Variants in RAPGEF5 observed in about 807,000 individuals in gnomAD.
RAPGEF5 encodes Rap guanine nucleotide exchange factor 5.
A neutral mutation model predicts 125.2 loss-of-function variants in RAPGEF5; 65 were observed. The ratio of observed to expected loss-of-function variants is 0.52; its 90% CI spans 0.43 to 0.64. The LOEUF (loss-of-function observed/expected upper bound fraction) is 0.64, where lower values mean the gene tolerates loss of function less well. Ranked by LOEUF, RAPGEF5 falls within the 30% of genes least tolerant of loss-of-function variation. The pLI is 0.00. For missense variants in RAPGEF5, 958 were observed against 1,048.1 expected, an observed-to-expected ratio of 0.91 and a Z score of 1.19; for synonymous variants, 391 against 385.9, an observed-to-expected ratio of 1.01 and a Z score of -0.16.
chr7:22,122,735 T>C (rs973902870), intron 25 of RAPGEF5, among the ~76,000 whole-genome samples: 34 of 152,218 alleles, frequency 2.2e-4, no homozygotes, highest in East Asian at 1.9e-4. Flanking sequence ...AGGATACTTA[T>C]AGCATTTATT....
At chr7:22,243,353 T>A (rs1193328004) in intron 7 of RAPGEF5, among the ~76,000 whole-genome samples, 1 of 152,194 alleles carries the variant, frequency 6.6e-6, no homozygotes, top group Non-Finnish European at 1.5e-5. Context: ...GTCTCCCGGA[T>A]TCAAGTGATT....
At chr7:22,305,998 A>G (rs1783329666) in intron 5 of RAPGEF5, among the ~76,000 whole-genome samples, 1 of 152,224 alleles carries the variant, frequency 6.6e-6, no homozygotes, top group Non-Finnish European at 1.5e-5. Flanking sequence ...TGTTGTGGAC[A>G]GTGATGCAAA....
At chr7:22,183,266 C>CA (rs1784728910) in intron 11 of RAPGEF5, among the ~76,000 whole-genome samples, 3 of 16,684 alleles carry the variant, frequency 1.8e-4, no homozygotes, top group South Asian at 2.2e-3. Context: ...GAGACTCCAT[C>CA]ACAAAAAAAA....
intron 14 of RAPGEF5, among the ~76,000 whole-genome samples, chr7:22,159,535 T>C (rs977758852): frequency 1.3e-5 from 2 of 152,218 alleles, no homozygotes; most frequent in African/African-American, 2.4e-5. Context: ...GTTTACGAAA[T>C]AGAAACTGCA....
chr7:22,262,033 A>C (rs2128140648), intron 7 of RAPGEF5, among the ~76,000 whole-genome samples: 1 of 152,314 alleles, frequency 6.6e-6, no homozygotes, highest in African/African-American at 2.4e-5. Context: ...AAGCATTAAA[A>C]GACTCATTAA....
chr7:22,316,194 A>C (rs1486716636), intron 2 of RAPGEF5, among the ~76,000 whole-genome samples: 1 of 152,020 alleles, frequency 6.6e-6, no homozygotes, highest in Non-Finnish European at 1.5e-5. Context: ...CTCTATAACC[A>C]GCACCTTCCC....
intron 21 of RAPGEF5, among the ~76,000 whole-genome samples, chr7:22,139,050 T>C (rs1783169671): frequency 6.6e-6 from 1 of 152,186 alleles, no homozygotes; most frequent in South Asian, 2.1e-4. Flanking sequence ...GCACAGTGCA[T>C]TCCTTCAGGG....
At chr7:22,232,724 C>A (rs1448467277) in intron 7 of RAPGEF5, among the ~76,000 whole-genome samples, 2 of 152,184 alleles carry the variant, frequency 1.3e-5, no homozygotes. Context: ...GTGGTGCCCA[C>A]CATGGAGCCT....
intron 8 of RAPGEF5, among the ~76,000 whole-genome samples, chr7:22,226,600 G>A (rs971391779): frequency 2.6e-5 from 4 of 152,158 alleles, no homozygotes; most frequent in African/African-American, 4.8e-5. Flanking sequence ...AATGAACCAC[G>A]AAGCATCCAC....
At chr7:22,193,787 C>A in intron 10 of RAPGEF5, 128 bp downstream of exon 10, 1 of 1,600,210 alleles carries the variant, frequency 6.2e-7, no homozygotes, top group Non-Finnish European at 8.5e-7. Flanking sequence ...GCTGGAGAGG[C>A]GGAGAGAAAA....
At position 22,125,120 on chromosome 7, in the gene RAPGEF5, A is replaced by G. The variant is rs535481042; in HGVS notation, c.2536+484T>C. 3.6e-3 allele frequency: 555 copies of G among 153,408 alleles called. 1 individual carries two copies. Among genetic ancestry groups the G allele is most frequent in the Middle Eastern group, 0.014 (4 of 294 alleles). The allele number at this position is 153,408 out of a possible 1,614,324, so 9.5% of individuals were successfully genotyped here. On this transcript the variant is annotated intron_variant, in intron 25 of 25. Transcript: ENST00000665637. ...GCTCAGAACCACACTTTTGCAGCTG[A>G]AAGGCAGCTCCAGACAGGAAGTTTT... is the stretch of plus-strand genomic sequence containing the variant.
intron 7 of RAPGEF5, among the ~76,000 whole-genome samples, chr7:22,247,546 G>C (rs1023082791): frequency 6.6e-6 from 1 of 152,152 alleles, no homozygotes; most frequent in Non-Finnish European, 1.5e-5. Flanking sequence ...ACATGCATTT[G>C]CTTCTCCTTC....
chr7:22,149,166 A>T (rs577112508), intron 18 of RAPGEF5, among the ~76,000 whole-genome samples: 1 of 152,350 alleles, frequency 6.6e-6, no homozygotes, highest in Admixed American at 6.5e-5. Context: ...GTTAAACGAG[A>T]TACCGTATGT....
At chr7:22,324,103 C>A (rs1483572164) in intron 1 of RAPGEF5, among the ~76,000 whole-genome samples, 2 of 152,150 alleles carry the variant, frequency 1.3e-5, no homozygotes, top group South Asian at 4.1e-4. Context: ...TTAGCTCACA[C>A]CACTTTAAAC....
At chr7:22,344,661 G>A (rs916187366) in intron 1 of RAPGEF5, among the ~76,000 whole-genome samples, 1 of 152,230 alleles carries the variant, frequency 6.6e-6, no homozygotes, top group Non-Finnish European at 1.5e-5. Context: ...CCTCCACGGT[G>A]CAGACCAGAA....
intron 6 of RAPGEF5, among the ~76,000 whole-genome samples, chr7:22,278,792 A>C (rs1782613237): frequency 6.6e-6 from 1 of 150,984 alleles, no homozygotes; most frequent in Non-Finnish European, 1.5e-5. Flanking sequence ...ATAAAACAAC[A>C]AAACACACAC....
chr7:22,190,841 G>C (rs989751733), intron 11 of RAPGEF5, among the ~76,000 whole-genome samples: 1 of 152,298 alleles, frequency 6.6e-6, no homozygotes, highest in Non-Finnish European at 1.5e-5. Context: ...CCAGCCTCCA[G>C]GACCATTCCT....
intron 8 of RAPGEF5, among the ~76,000 whole-genome samples, chr7:22,225,775 TA>T (rs1234800974): frequency 6.6e-6 from 1 of 152,096 alleles, no homozygotes; most frequent in Non-Finnish European, 1.5e-5. Flanking sequence ...AGAAAAAAAA[TA>T]AAAGATTAAT....
chr7:22,209,030 T>C (rs1431772985), intron 9 of RAPGEF5, among the ~76,000 whole-genome samples: 1 of 152,196 alleles, frequency 6.6e-6, no homozygotes, highest in African/African-American at 2.4e-5. Context: ...ACATCTCCTC[T>C]ATGTGCCAAG....
Sources: gnomAD v4.1 joint callset for allele counts (sites outside exome capture counted in the v4.1 genomes callset) on GRCh38, gnomAD v4.1.1 for gene constraint, MANE v1.5 for transcripts, NCBI Gene and HGNC (gene_info 2026-07-23, HGNC 2026-07-21) for gene names.